Variants in MOV10L1 observed in about 807,000 individuals in gnomAD.
MOV10L1 encodes the protein Mov10 like RNA helicase 1, also known as RNA helicase Mov10l1.
MOV10L1 carries 110 observed loss-of-function variants against 143.8 expected under a neutral mutation model. The observed-to-expected ratio is 0.76, with a 90% CI of 0.66 to 0.90. The LOEUF (loss-of-function observed/expected upper bound fraction) is 0.90. MOV10L1 is among the 40% of genes least tolerant of loss of function. The pLI, the probability that MOV10L1 is intolerant of heterozygous loss-of-function variation, is 0.00. For missense variants in MOV10L1, 1,406 were observed against 1,526.8 expected (o/e 0.92, Z 1.32); for synonymous variants, 593 against 581.1 (o/e 1.02, Z -0.29).
Position 50,090,134 on chromosome 22 carries a change from G to A in MOV10L1, c.46G>A (p.Ala16Thr), listed in dbSNP as rs1425368319. The A allele has an allele frequency of 7.2e-7, 1 of 1,382,860 alleles. No individual in the cohort carries two copies. The highest frequency in any genetic ancestry group is 9.4e-7 in the Non-Finnish European group (1 of 1,069,248). 85.7% of individuals were successfully genotyped at this position (1,382,860 alleles called of 1,614,324 possible). Residue 16 changes from alanine (A) to threonine (T), a missense_variant, in exon 1 of 27, where the codon GCG becomes ACG. Ala to Thr is a moderately conservative substitution (Grantham distance 58). This residue lies in a region of MOV10L1 where 166 missense variants were observed against 153.9 expected (regional missense o/e 1.08). Transcript: ENST00000262794. ...AKLVAFFWRT[A>T]DTPREEAGQL... is the part of the protein sequence containing the mutation. ...GCTGGTGGCCTTCTTCTGGAGGACG[G>A]CGGACACCCCTAGGGAGGAAGCCGG...
At chr22:50,161,104 G>T in intron 26 of MOV10L1, 49 bp downstream of exon 26, 1 of 1,564,778 alleles carries the variant, frequency 6.4e-7, no homozygotes, top group South Asian at 1.1e-5. Context: ...TCTAGAACGT[G>T]CTCTAGCCTG....
chr22:50,108,275 C>G (rs772716557), intron 4 of MOV10L1, 27 bp downstream of exon 4: 2 of 1,584,224 alleles, frequency 1.3e-6, no homozygotes, highest in South Asian at 2.3e-5. Flanking sequence ...TGGCTCCTCT[C>G]TGTGCTTCTG....
chr22:50,092,213 T>G (rs999056621), intron 2 of MOV10L1, 28 bp downstream of exon 2: 30 of 1,595,932 alleles, frequency 1.9e-5, no homozygotes, highest in Non-Finnish European at 2.5e-5. Context: ...TTGGGAACAG[T>G]TTTTCTTCGC....
intron 7 of MOV10L1, 30 bp from the exon 8 acceptor site, chr22:50,115,084 C>A: frequency 1.9e-6 from 3 of 1,554,004 alleles, no homozygotes; most frequent in South Asian, 2.5e-5. Flanking sequence ...ACCTTTTGGT[C>A]AACTTTTGTA....
intron 5 of MOV10L1, among the ~76,000 whole-genome samples, chr22:50,109,460 G>A (rs988815794): frequency 2.6e-5 from 4 of 151,786 alleles, no homozygotes; most frequent in Non-Finnish European, 5.9e-5. Flanking sequence ...ATGAGGTCAG[G>A]GGATCGAGAC....
At chr22:50,128,333 G>T (rs1008170396) in intron 12 of MOV10L1, 83 bp from the exon 13 acceptor site, 1 of 792,404 alleles carries the variant, frequency 1.3e-6, no homozygotes, top group Non-Finnish European at 2.1e-6. Context: ...CAGAGCTATA[G>T]AATGAATTTT....
chr22:50,150,920 C>G (rs758654287), intron 21 of MOV10L1, 21 bp downstream of exon 21: 2 of 1,613,686 alleles, frequency 1.2e-6, no homozygotes, highest in Admixed American at 1.7e-5. Flanking sequence ...GACTCCAGCG[C>G]GTTCAGGTCC....
intron 3 of MOV10L1, among the ~76,000 whole-genome samples, chr22:50,102,088 G>A (rs1029796915): frequency 2.6e-5 from 4 of 152,174 alleles, no homozygotes; most frequent in Admixed American, 6.6e-5. Flanking sequence ...CAGGGATCCG[G>A]AGCCCAGGCC....
At chr22:50,093,136 C>G (rs6010136) in intron 2 of MOV10L1, 20,593 of 152,206 alleles carry the variant, frequency 0.14, 1,643 homozygotes, top group East Asian at 0.24. Flanking sequence ...CTCCTGACCT[C>G]GTGATCTGCC....
chr22:50,114,323 C>T (rs2062108545), intron 6 of MOV10L1, 58 bp from the exon 7 acceptor site: 3 of 1,577,944 alleles, frequency 1.9e-6, no homozygotes, highest in Non-Finnish European at 2.6e-6. Context: ...TTTATGATAA[C>T]TGAATATTTT....
chr22:50,127,684 T>A (rs538778807), intron 12 of MOV10L1, among the ~76,000 whole-genome samples: 1 of 152,188 alleles, frequency 6.6e-6, no homozygotes, highest in Non-Finnish European at 1.5e-5. Context: ...CCATACTGTC[T>A]AGGAAAGAAT....
At chr22:50,144,682 C>T (rs975712780) in intron 18 of MOV10L1, among the ~76,000 whole-genome samples, 1 of 150,808 alleles carries the variant, frequency 6.6e-6, no homozygotes, top group African/African-American at 2.4e-5. Flanking sequence ...CCCAGGTTCA[C>T]ACCATTCTCT....
At chr22:50,161,197 G>A in intron 26 of MOV10L1, 142 bp downstream of exon 26, 1 of 1,051,090 alleles carries the variant, frequency 9.5e-7, no homozygotes, top group Non-Finnish European at 1.4e-6. Context: ...ACCTCATCCT[G>A]GGCTGCAGCA....
At chr22:50,143,511 C>T (rs111946446) in intron 17 of MOV10L1, among the ~76,000 whole-genome samples, 2 of 152,192 alleles carry the variant, frequency 1.3e-5, no homozygotes, top group East Asian at 3.8e-4. Context: ...AGCCACCATT[C>T]CACAGAAGTT....
At chr22:50,137,808 T>TACAC (rs2062869044) in intron 15 of MOV10L1, among the ~76,000 whole-genome samples, 1 of 99,974 alleles carries the variant, frequency 1.0e-5, no homozygotes, top group Non-Finnish European at 2.2e-5. Context: ...ATTTTATATA[T>TACAC]ATACATATAT....
In MOV10L1 at chr22:50,161,655, C is replaced by T; in HGVS notation, c.*206C>T. ...TCCTGCCACAGGGCAGTCACTGCCG[C>T]CTACCCTGAAATAAACCCTCGAGTG... On this transcript the variant is annotated 3_prime_UTR_variant, in exon 27 of 27. Transcript: ENST00000262794. The T allele has an allele frequency of 1.9e-6, 1 of 533,750 alleles. No individual in the cohort carries two copies. The allele number at this position is 533,750 out of a possible 1,614,324, so 33.1% of individuals were successfully genotyped here. A position where few individuals can be genotyped will look rare whatever the true frequency, so the allele number is the denominator to read the frequency against.
intron 16 of MOV10L1, 82 bp downstream of exon 16, chr22:50,142,271 A>G (rs1462085356): frequency 1.8e-6 from 2 of 1,096,096 alleles, no homozygotes; most frequent in Non-Finnish European, 2.6e-6. Context: ...GTGGGCTCTC[A>G]TGCAGAAGGA....
At position 50,108,807 on chromosome 22, in the gene MOV10L1, G is replaced by T. The variant is rs773835989; in HGVS notation, c.706G>T (p.Val236Phe). Residue 236 changes from valine (V) to phenylalanine (F), a missense_variant, in exon 5 of 27, where the codon GTC (valine) becomes TTC (phenylalanine). Around this residue, in one of 3 missense-constraint regions of MOV10L1, gnomAD observed 1,233 missense variants for 1,351.4 expected, o/e 0.91. Coordinates refer to ENST00000262794, the MANE Select transcript of MOV10L1 (RefSeq NM_018995.3). ...VVVESSQSCY[V>F]WRALCMTLVK... ...GGTGGAGAGCAGCCAGTCATGCTAT[G>T]TCTGGAGGGCACTTTGTATGACCCT... 46 of 1,614,086 alleles carry T rather than the reference G, an allele frequency of 2.8e-5. No homozygotes were observed. The highest frequency in any genetic ancestry group is 3.8e-5 in the Non-Finnish European group (45 of 1,180,036).
At position 50,090,174 on chromosome 22, in the gene MOV10L1, A is replaced by AGCTCGCGGAAGGTG. The variant is rs1445395018; in HGVS notation, c.95_97+11dup. 1.2e-5 allele frequency: 17 copies of AGCTCGCGGAAGGTG among 1,417,772 alleles called. No homozygotes were observed. The South Asian group carries it at 2.7e-4, about 23-fold the overall frequency. The allele number at this position is 1,417,772 out of a possible 1,614,324, so 87.8% of individuals were successfully genotyped here. A position where few individuals can be genotyped will look rare whatever the true frequency, so the allele number is the denominator to read the frequency against. Reference sequence around the variant, plus strand: ...GAGGAAGCCGGGCAGCTGGAGCCCGAGCTCGCGGAAGGTGGCTCGCGGGAG... The same window carrying AGCTCGCGGAAGGTG: ...GAGGAAGCCGGGCAGCTGGAGCCCGAGCTCGCGGAAGGTGGCTCGCGGAAGGTGGCTCGCGGGAG... On this transcript the variant is annotated frameshift_variant, in exon 1 of 27. Transcript: ENST00000262794. LOFTEE classifies it high-confidence loss of function.
Sources: allele counts gnomAD v4.1 joint callset (sites outside exome capture counted in the v4.1 genomes callset), GRCh38; gene constraint gnomAD v4.1.1; regional missense constraint gnomAD v4.1.1; transcripts MANE v1.5; gene names NCBI Gene and HGNC (gene_info 2026-07-23, HGNC 2026-07-21).